LHFPL3: variants seen among roughly 807,000 people sequenced by gnomAD.
LHFPL3 encodes LHFPL tetraspan subfamily member 3 protein.
A neutral mutation model predicts 19.3 loss-of-function variants in LHFPL3; 5 were observed. The observed-to-expected ratio is 0.26, with a 90% CI of 0.14 to 0.54. The LOEUF (loss-of-function observed/expected upper bound fraction) is 0.54, where lower values mean the gene tolerates loss of function less well. Among genes scored for constraint, LHFPL3 ranks in the 20% least tolerant of loss-of-function variants. The pLI is 0.94. For synonymous variants in LHFPL3, 133 were observed against 126.2 expected (o/e 1.05, Z -0.36); for missense variants, 249 against 307.4 (o/e 0.81, Z 1.42).
chr7:104,695,075 GC>G (rs1427277000), intron 1 of LHFPL3, among the ~76,000 whole-genome samples: 3 of 152,170 alleles, frequency 2.0e-5, no homozygotes, highest in Non-Finnish European at 4.4e-5. Context: ...GGTCCTGCCA[GC>G]CTGATTCCTT....
At chr7:104,695,429 G>T (rs931636457) in intron 1 of LHFPL3, among the ~76,000 whole-genome samples, 2 of 152,082 alleles carry the variant, frequency 1.3e-5, no homozygotes, top group Non-Finnish European at 2.9e-5. Flanking sequence ...TTATCAAGAG[G>T]GTATATAACC....
chr7:104,890,891 C>T (rs1454379378), intron 2 of LHFPL3, among the ~76,000 whole-genome samples: 2 of 152,170 alleles, frequency 1.3e-5, no homozygotes, highest in South Asian at 2.1e-4. Flanking sequence ...GACAGAACCA[C>T]AGCACCATGA....
chr7:104,581,310 T>C (rs997693911), intron 1 of LHFPL3, among the ~76,000 whole-genome samples: 5 of 152,250 alleles, frequency 3.3e-5, no homozygotes, highest in African/African-American at 1.2e-4. Context: ...TTATTGCCTG[T>C]TCAGAGATCT....
At chr7:104,902,044 G>A (rs1228569728) in intron 2 of LHFPL3, among the ~76,000 whole-genome samples, 4 of 152,018 alleles carry the variant, frequency 2.6e-5, no homozygotes, top group Non-Finnish European at 4.4e-5. Context: ...GATACTGTGG[G>A]TCAGAAGTAC....
chr7:104,842,015 C>T (rs1791220039), intron 2 of LHFPL3, among the ~76,000 whole-genome samples: 1 of 151,866 alleles, frequency 6.6e-6, no homozygotes, highest in Non-Finnish European at 1.5e-5. Flanking sequence ...AACTCATCCT[C>T]CCCCTCCTCT....
intron 2 of LHFPL3, among the ~76,000 whole-genome samples, chr7:104,854,768 T>C (rs1791472470): frequency 6.6e-6 from 1 of 152,204 alleles, no homozygotes; most frequent in East Asian, 1.9e-4. Flanking sequence ...ATCACTTCTG[T>C]AGCACCATTT....
chr7:104,417,100 G>A (rs542850175), intron 1 of LHFPL3, among the ~76,000 whole-genome samples: 2 of 152,174 alleles, frequency 1.3e-5, no homozygotes, highest in East Asian at 3.9e-4. Flanking sequence ...AAACCATAGG[G>A]GGCATAATAT....
At chr7:104,433,238 G>T (rs1792034926) in intron 1 of LHFPL3, among the ~76,000 whole-genome samples, 1 of 152,154 alleles carries the variant, frequency 6.6e-6, no homozygotes, top group South Asian at 2.1e-4. Context: ...CAATGATGTT[G>T]TCACTCATTA....
chr7:104,692,482 A>G (rs1792922692), intron 1 of LHFPL3, among the ~76,000 whole-genome samples: 1 of 152,244 alleles, frequency 6.6e-6, no homozygotes, highest in South Asian at 2.1e-4. Flanking sequence ...TGCTTTGTGC[A>G]GTCTCAGGAC....
intron 1 of LHFPL3, among the ~76,000 whole-genome samples, chr7:104,420,025 C>T (rs1791695393): frequency 6.6e-6 from 1 of 152,198 alleles, no homozygotes; most frequent in Non-Finnish European, 1.5e-5. Flanking sequence ...CAGAGGAGAG[C>T]TTCACTATTA....
chr7:104,531,151 A>G (rs1218279386), intron 1 of LHFPL3, among the ~76,000 whole-genome samples: 2 of 152,200 alleles, frequency 1.3e-5, no homozygotes. Context: ...TTTTTTAATG[A>G]CAATTATTGC....
At chr7:104,676,631 A>T (rs557301707) in intron 1 of LHFPL3, among the ~76,000 whole-genome samples, 12 of 152,266 alleles carry the variant, frequency 7.9e-5, no homozygotes, top group Non-Finnish European at 1.3e-4. Flanking sequence ...CCATCTTAGA[A>T]ATAGCACTGG....
At chr7:104,527,650 G>C (rs1794216061) in intron 1 of LHFPL3, among the ~76,000 whole-genome samples, 1 of 152,130 alleles carries the variant, frequency 6.6e-6, no homozygotes, top group African/African-American at 2.4e-5. Context: ...AAAGGACTAG[G>C]TGGAGTGCTA....
intron 2 of LHFPL3, among the ~76,000 whole-genome samples, chr7:104,887,054 A>C (rs1299225405): frequency 6.6e-6 from 1 of 152,236 alleles, no homozygotes; most frequent in Admixed American, 6.5e-5. Context: ...AAAGGAAAGA[A>C]ATCCAGAGAA....
intron 1 of LHFPL3, among the ~76,000 whole-genome samples, chr7:104,398,275 C>T (rs1423937897): frequency 1.8e-4 from 27 of 152,172 alleles, no homozygotes; most frequent in Non-Finnish European, 1.5e-5. Context: ...CCTGTATTAT[C>T]TTCCATGTCA....
intron 2 of LHFPL3, among the ~76,000 whole-genome samples, chr7:104,802,491 CAAAAAAAAAA>C (rs920866759): frequency 1.8e-4 from 12 of 65,502 alleles, no homozygotes; most frequent in African/African-American, 7.1e-4. Flanking sequence ...AACCCTATCT[CAAAAAAAAAA>C]AAAAAAAAAA....
intron 1 of LHFPL3, among the ~76,000 whole-genome samples, chr7:104,470,773 A>G (rs1010347997): frequency 4.6e-5 from 7 of 152,188 alleles, no homozygotes; most frequent in Non-Finnish European, 1.0e-4. Context: ...ACATGACTAC[A>G]TGTAGGAGCC....
chr7:104,641,004 A>T (rs1672529187), intron 1 of LHFPL3, among the ~76,000 whole-genome samples: 1 of 152,126 alleles, frequency 6.6e-6, no homozygotes. Context: ...TCTTAGGTTG[A>T]CTCATATTAA....
intron 1 of LHFPL3, among the ~76,000 whole-genome samples, chr7:104,594,177 T>C (rs1790790606): frequency 6.6e-6 from 1 of 152,218 alleles, no homozygotes; most frequent in Non-Finnish European, 1.5e-5. Flanking sequence ...CTGGTACTGG[T>C]TGTTCCTTTC....
Sources: gnomAD v4.1 joint callset for allele counts (sites outside exome capture counted in the v4.1 genomes callset) on GRCh38, gnomAD v4.1.1 for gene constraint, MANE v1.5 for transcripts, NCBI Gene and HGNC (gene_info 2026-07-23, HGNC 2026-07-21) for gene names.